CHM: variants seen among roughly 807,000 people sequenced by gnomAD.
The protein encoded by CHM is rab proteins geranylgeranyltransferase component A 1.
Under a neutral mutation model 49.0 loss-of-function variants are expected in CHM, and 10 were observed. The ratio of observed to expected loss-of-function variants is 0.20; its 90% CI spans 0.13 to 0.35. The LOEUF is 0.35. Among genes scored for constraint, CHM ranks in the 10% least tolerant of loss-of-function variants. The probability of loss-of-function intolerance (pLI) is 1.00; values close to 1 mark genes in which losing one functional copy is unlikely to be tolerated. For missense variants in CHM, 455 were observed against 478.4 expected (o/e 0.95, Z 0.46); for synonymous variants, 184 against 167.5 (o/e 1.10, Z -0.76).
intron 12 of CHM, 77 bp downstream of exon 12, chrX:85,894,111 C>T (rs1925657283): frequency 7.1e-6 from 5 of 701,593 alleles, no homozygotes; most frequent in African/African-American, 2.1e-5. Context: ...ACAAATACAA[C>T]CTTCACAACT....
At chrX:85,887,631 A>C (rs777976432) in intron 12 of CHM, among the ~76,000 whole-genome samples, 22 of 111,470 alleles carry the variant, frequency 2.0e-4, no homozygotes, top group South Asian at 3.8e-4. Flanking sequence ...AAGACAGGAA[A>C]ATGTGGGAAA....
Position 85,864,525 on chromosome X carries a change from T to A in CHM, c.*105A>T. ...GATTTCTATTACCTATTTTGCCTTA[T>A]AATTGCTGCTGCTTTCTAACATTTC... On this transcript the variant is annotated 3_prime_UTR_variant, in exon 15 of 15. Transcript: ENST00000357749. The A allele has an allele frequency of 1.4e-6, 1 of 721,418 alleles. No individual in the cohort carries two copies. The highest frequency in any genetic ancestry group is 2.1e-6 in the Non-Finnish European group (1 of 467,656). 59.5% of individuals were successfully genotyped at this position (721,418 alleles called of 1,213,427 possible).
At chrX:85,867,185 G>T (rs779916226) in intron 14 of CHM, among the ~76,000 whole-genome samples, 10 of 111,670 alleles carry the variant, frequency 9.0e-5, no homozygotes, top group Non-Finnish European at 1.7e-4. Context: ...GGAGATGAAT[G>T]GATTATGGGG....
chrX:85,978,688 A>C lies in CHM; in HGVS notation c.314+79T>G, dbSNP rs1376668226. On this transcript the variant is annotated intron_variant, in intron 4 of 14. Transcript: ENST00000357749. ...GACTTGTAGCAACCAATGCCACATA[A>C]ATCTTTATTGTTGGCTTCTTCTAAA... The C allele has an allele frequency of 4.8e-6, 5 of 1,047,813 alleles. No homozygotes were observed. The East Asian group carries it at 1.7e-4, about 35-fold the overall frequency. The allele number at this position is 1,047,813 out of a possible 1,213,427, so 86.4% of individuals were successfully genotyped here. A position where few individuals can be genotyped will look rare whatever the true frequency, so the allele number is the denominator to read the frequency against.
chrX:85,964,514 A>C (rs1930474273), intron 4 of CHM, among the ~76,000 whole-genome samples: 1 of 111,354 alleles, frequency 9.0e-6, no homozygotes, highest in Non-Finnish European at 1.9e-5. Flanking sequence ...AGATTAAATT[A>C]AGTACTGCAT....
chrX:86,022,727 A>G (rs765011098), intron 2 of CHM, among the ~76,000 whole-genome samples: 1 of 111,138 alleles, frequency 9.0e-6, no homozygotes, highest in African/African-American at 3.3e-5. Context: ...GGCTCCTTAT[A>G]CACATACCCA....
intron 2 of CHM, among the ~76,000 whole-genome samples, chrX:86,015,142 C>T (rs370208808): frequency 3.1e-4 from 34 of 110,925 alleles, no homozygotes; most frequent in South Asian, 1.9e-3. Flanking sequence ...ACTCAAATCT[C>T]ATCTTGAATT....
rs1407816407 is a variant in CHM, at chrX:85,901,133, C to T, written c.1300G>A (p.Val434Met). ...GQRIISEHFL[V>M]EDSYFPENMC... ...TTCTCAGGAAAGTAACTGTCCTCCA[C>T]GAGGAAATGCTCAGAGATTATTCTC... is the stretch of plus-strand genomic sequence containing the variant. Residue 434 changes from valine (V) to methionine (M), a missense_variant, in exon 10 of 15, where the codon GTG (valine) becomes ATG (methionine). Val to Met is a conservative substitution (Grantham distance 21). Transcript: ENST00000357749. The T allele has an allele frequency of 3.3e-6, 4 of 1,201,850 alleles. No individual in the cohort carries two copies. Among genetic ancestry groups the T allele is most frequent in the African/African-American group, 3.5e-5 (2 of 56,862 alleles).
chrX:86,030,418 A>G (rs1933993032), intron 1 of CHM, among the ~76,000 whole-genome samples: 2 of 111,660 alleles, frequency 1.8e-5, no homozygotes, highest in African/African-American at 3.3e-5. Context: ...CCATTCAATA[A>G]ACAGAATTTC....
At chrX:85,928,583 C>T (rs968110278) in intron 8 of CHM, among the ~76,000 whole-genome samples, 1 of 112,194 alleles carries the variant, frequency 8.9e-6, no homozygotes, top group Non-Finnish European at 1.9e-5. Flanking sequence ...AATAACTGAA[C>T]TGTATTAATG....
intron 8 of CHM, among the ~76,000 whole-genome samples, chrX:85,919,726 A>G (rs958059609): frequency 8.9e-6 from 1 of 112,151 alleles, no homozygotes; most frequent in African/African-American, 3.2e-5. Flanking sequence ...AAATGAGAAC[A>G]TAAGAAGTAT....
intron 8 of CHM, among the ~76,000 whole-genome samples, chrX:85,926,625 G>GA (rs913684737): frequency 2.7e-5 from 3 of 110,637 alleles, no homozygotes; most frequent in African/African-American, 6.6e-5. Flanking sequence ...CCTCTGATGA[G>GA]AAAAAATATA....
intron 8 of CHM, among the ~76,000 whole-genome samples, chrX:85,947,451 G>A (rs1243556601): frequency 9.0e-6 from 1 of 111,285 alleles, no homozygotes; most frequent in Non-Finnish European, 1.9e-5. Flanking sequence ...CTCCTGCTCT[G>A]GTCATGTGAC....
chrX:85,871,173 G>A (rs763974082), intron 14 of CHM, among the ~76,000 whole-genome samples: 7 of 104,263 alleles, frequency 6.7e-5, no homozygotes, highest in Middle Eastern at 0.01. Context: ...TTAGCTGGGC[G>A]TGGTGGCAAG....
intron 5 of CHM, 95 bp from the exon 6 acceptor site, chrX:85,959,072 T>C: frequency 3.9e-6 from 4 of 1,015,496 alleles, no homozygotes; most frequent in Non-Finnish European, 5.4e-6. Flanking sequence ...TTTTTATTAT[T>C]TGTAGAAACA....
intron 2 of CHM, among the ~76,000 whole-genome samples, chrX:86,010,209 G>T (rs1933006490): frequency 1.1e-5 from 1 of 89,793 alleles, no homozygotes; most frequent in Non-Finnish European, 2.2e-5. Flanking sequence ...TAGGGGGGTG[G>T]GGGGGGCTGG....
chrX:86,017,269 GT>G (rs1933341162), intron 2 of CHM, among the ~76,000 whole-genome samples: 1 of 111,805 alleles, frequency 8.9e-6, no homozygotes, highest in Non-Finnish European at 1.9e-5. Flanking sequence ...TTGGGAGACT[GT>G]TGGGAAGGCA....
intron 12 of CHM, among the ~76,000 whole-genome samples, chrX:85,893,854 G>A (rs1189197711): frequency 9.1e-6 from 1 of 110,319 alleles, no homozygotes; most frequent in Admixed American, 9.7e-5. Flanking sequence ...AGCCCAAATG[G>A]ACTAAGAAAG....
intron 14 of CHM, among the ~76,000 whole-genome samples, chrX:85,868,049 G>A (rs1417240073): frequency 9.0e-6 from 1 of 111,062 alleles, no homozygotes; most frequent in African/African-American, 3.3e-5. Context: ...GTGTGTGTGT[G>A]TGTGTTTGTA....
Sources: allele counts gnomAD v4.1 joint callset (sites outside exome capture counted in the v4.1 genomes callset), GRCh38; gene constraint gnomAD v4.1.1; transcripts MANE v1.5; gene names NCBI Gene and HGNC (gene_info 2026-07-23, HGNC 2026-07-21).